Variants in PCDHA6 observed in about 807,000 individuals in gnomAD.
PCDHA6 encodes the protein protocadherin alpha-6.
Under a neutral mutation model 60.3 loss-of-function variants are expected in PCDHA6, and 55 were observed. The observed-to-expected ratio is 0.91, with a 90% CI of 0.73 to 1.14. The LOEUF is 1.14. Ranked by LOEUF, PCDHA6 falls within the 50% of genes most tolerant of loss-of-function variation. The pLI is 0.00. For missense variants in PCDHA6, 1,327 were observed against 1,256.5 expected (o/e 1.06, Z -0.85); for synonymous variants, 652 against 557.9 (o/e 1.17, Z -2.38).
chr5:140,849,729 G>C lies in PCDHA6; in HGVS notation c.2394+19244G>C, dbSNP rs1180272167. 2.5e-6 allele frequency: 4 copies of C among 1,598,492 alleles called. 1 individual carries two copies. Among genetic ancestry groups the C allele is most frequent in the Non-Finnish European group, 3.4e-6 (4 of 1,168,006 alleles). On this transcript the variant is annotated intron_variant, in intron 1 of 3. Coordinates refer to ENST00000529310, the MANE Select transcript of PCDHA6 (RefSeq NM_018909.4). Reference sequence around the variant, plus strand: ...TTACTACTCGTTGGTGCTGGACAGAGCTCTGGACCGCGAGAGTGTGTCCGC... The same window carrying C: ...TTACTACTCGTTGGTGCTGGACAGACCTCTGGACCGCGAGAGTGTGTCCGC...
chr5:140,996,691 C>A (rs150925396), intron 3 of PCDHA6, among the ~76,000 whole-genome samples: 217 of 152,274 alleles, frequency 1.4e-3, no homozygotes, highest in African/African-American at 5.0e-3. Context: ...TAGTATTCTT[C>A]TGAACCTCTA....
At chr5:140,974,240 A>G (rs1554235899) in intron 1 of PCDHA6, among the ~76,000 whole-genome samples, 1 of 152,188 alleles carries the variant, frequency 6.6e-6, no homozygotes, top group African/African-American at 2.4e-5. Context: ...CTTGGCATAT[A>G]AGCACCATCA....
At chr5:140,990,705 G>A (rs2097408066) in intron 3 of PCDHA6, among the ~76,000 whole-genome samples, 1 of 152,132 alleles carries the variant, frequency 6.6e-6, no homozygotes, top group Non-Finnish European at 1.5e-5. Flanking sequence ...AGATTTATGG[G>A]GATAAGAGCA....
At chr5:140,895,590 T>C (rs1554186569) in intron 1 of PCDHA6, among the ~76,000 whole-genome samples, 2 of 152,208 alleles carry the variant, frequency 1.3e-5, no homozygotes, top group Non-Finnish European at 2.9e-5. Context: ...ATTAGATATA[T>C]AATTTGCAAA....
intron 3 of PCDHA6, among the ~76,000 whole-genome samples, chr5:140,984,397 G>A (rs1400095442): frequency 1.3e-5 from 2 of 152,112 alleles, no homozygotes; most frequent in African/African-American, 4.8e-5. Context: ...AAAATGTTGA[G>A]AACCTATCTT....
At chr5:140,869,267 A>G in intron 1 of PCDHA6, 1 of 1,613,490 alleles carries the variant, frequency 6.2e-7, no homozygotes, top group South Asian at 1.1e-5. Flanking sequence ...CTGGGGCTGG[A>G]GCTGGCGGAG....
At chr5:140,987,592 G>T (rs150671243) in intron 3 of PCDHA6, among the ~76,000 whole-genome samples, 2 of 152,172 alleles carry the variant, frequency 1.3e-5, no homozygotes, top group African/African-American at 4.8e-5. Flanking sequence ...GAGAATAGTG[G>T]TGTCTACCTT....
Position 141,011,434 on chromosome 5 carries a change from C to A in PCDHA6, c.*1497C>A, listed in dbSNP as rs934032017. 6.5e-6 allele frequency: 1 copy of A among 153,726 alleles called. No homozygotes were observed. Among genetic ancestry groups the A allele is most frequent in the African/African-American group, 2.4e-5 (1 of 41,446 alleles). The allele number at this position is 153,726 out of a possible 1,614,324, so 9.5% of individuals were successfully genotyped here. The stretch of plus-strand genomic sequence containing the variant: ...ATGTGAATGTTAATGCAACTATTAC[C>A]TAGAGTGAACTTTAAGCTTTATTGT... On this transcript the variant is annotated 3_prime_UTR_variant, in exon 4 of 4. Transcript: ENST00000529310.
intron 1 of PCDHA6, chr5:140,862,721 C>T (rs1019011354): frequency 3.5e-6 from 2 of 566,878 alleles, no homozygotes; most frequent in Admixed American, 3.8e-5. Context: ...GGCGAGTGCG[C>T]GCTGTCTAGC....
chr5:140,958,422 C>A (rs1436234763), intron 1 of PCDHA6, among the ~76,000 whole-genome samples: 1 of 152,120 alleles, frequency 6.6e-6, no homozygotes, highest in African/African-American at 2.4e-5. Context: ...TGGAAAGAAG[C>A]ACTTTTTATA....
intron 1 of PCDHA6, chr5:140,928,913 G>T (rs782438428): frequency 2.5e-6 from 4 of 1,614,132 alleles, no homozygotes; most frequent in Non-Finnish European, 2.5e-6. Flanking sequence ...TGGGAACCAG[G>T]AGGGCAGCTT....
intron 3 of PCDHA6, among the ~76,000 whole-genome samples, chr5:141,007,036 A>G (rs1018909399): frequency 4.6e-5 from 7 of 152,200 alleles, no homozygotes; most frequent in African/African-American, 1.4e-4. Context: ...ATTTATATCT[A>G]TGGATATGGC....
At chr5:140,975,045 A>G (rs1249490997) in intron 1 of PCDHA6, among the ~76,000 whole-genome samples, 1 of 152,112 alleles carries the variant, frequency 6.6e-6, no homozygotes, top group Non-Finnish European at 1.5e-5. Context: ...GGCTCTTAGG[A>G]AGAATCTACT....
chr5:140,907,631 C>T (rs1338354291), intron 1 of PCDHA6, among the ~76,000 whole-genome samples: 1 of 152,216 alleles, frequency 6.6e-6, no homozygotes, highest in African/African-American at 2.4e-5. Flanking sequence ...GTGTTGGTCT[C>T]TGCTGCTGGC....
Position 141,010,230 on chromosome 5 carries a change from C to T in PCDHA6, c.*293C>T. The T allele has an allele frequency of 1.3e-6, 2 of 1,551,936 alleles. No homozygotes were observed. Among genetic ancestry groups the T allele is most frequent in the African/African-American group, 1.4e-5 (1 of 73,162 alleles). Reference sequence around the variant, plus strand: ...GCAAAGGAGAGGCTTCCCAGCCCCGCCAGTGAGAGGTTGGACTCTCTGCCC... The same window carrying T: ...GCAAAGGAGAGGCTTCCCAGCCCCGTCAGTGAGAGGTTGGACTCTCTGCCC... On this transcript the variant is annotated 3_prime_UTR_variant, in exon 4 of 4. Transcript: ENST00000529310.
chr5:140,985,532 G>A (rs1358120172), intron 3 of PCDHA6, among the ~76,000 whole-genome samples: 2 of 152,190 alleles, frequency 1.3e-5, no homozygotes, highest in African/African-American at 4.8e-5. Context: ...AAAGCTTCAC[G>A]GTGAAGATGC....
Position 140,828,881 on chromosome 5 carries a change from C to T in PCDHA6, c.790C>T (p.Leu264=). Residue 264 remains leucine, a synonymous_variant, in exon 1 of 4, where the codon CTG becomes TTG. Coordinates refer to ENST00000529310, the MANE Select transcript of PCDHA6 (RefSeq NM_018909.4). The part of the protein sequence containing the change: ...NADNGTTVIR[L]NASDRDEGAN... ...AGACAACGGAACAACAGTTATCAGA[C>T]TGAATGCTTCTGATCGGGATGAAGG... 1 of 1,614,208 alleles carries T rather than the reference C, an allele frequency of 6.2e-7. No homozygotes were observed. The highest frequency in any genetic ancestry group is 1.3e-5 in the African/African-American group (1 of 75,060).
intron 1 of PCDHA6, chr5:140,877,677 C>T (rs1554169970): frequency 6.2e-7 from 1 of 1,613,678 alleles, no homozygotes. Context: ...GCGCGCCGGG[C>T]AAGCCCACGC....
intron 1 of PCDHA6, among the ~76,000 whole-genome samples, chr5:140,976,116 A>G (rs781948908): frequency 1.2e-4 from 18 of 152,224 alleles, no homozygotes; most frequent in Non-Finnish European, 2.6e-4. Flanking sequence ...AATTTTTCCA[A>G]GTTTAATCAA....
Sources: allele counts gnomAD v4.1 joint callset (sites outside exome capture counted in the v4.1 genomes callset), GRCh38; gene constraint gnomAD v4.1.1; transcripts MANE v1.5; gene names NCBI Gene and HGNC (gene_info 2026-07-23, HGNC 2026-07-21).